Variants in SLC35A1 observed in about 807,000 individuals in gnomAD.
The protein encoded by SLC35A1 is CMP-sialic acid transporter.
SLC35A1 carries 21 observed loss-of-function variants against 40.3 expected under a neutral mutation model. The ratio of observed to expected loss-of-function variants is 0.52; its 90% CI spans 0.37 to 0.75. SLC35A1 has a LOEUF of 0.75. Among genes scored for constraint, SLC35A1 ranks in the 30% least tolerant of loss-of-function variants. SLC35A1 has a pLI of 0.00. For missense variants in SLC35A1, 297 were observed against 382.1 expected (o/e 0.78, Z 1.86); for synonymous variants, 146 against 147.3 (o/e 0.99, Z 0.06).
intron 7 of SLC35A1, 52 bp from the exon 8 acceptor site, chr6:87,511,347 G>A (rs920182844): frequency 2.5e-6 from 4 of 1,596,460 alleles, no homozygotes; most frequent in Non-Finnish European, 3.4e-6. Context: ...CTGATCATTA[G>A]GCATTTTAAA....
intron 2 of SLC35A1, among the ~76,000 whole-genome samples, chr6:87,489,209 C>T (rs1228599585): frequency 2.0e-5 from 3 of 152,130 alleles, no homozygotes; most frequent in Non-Finnish European, 4.4e-5. Flanking sequence ...TCCACCAAAA[C>T]TTATATTGAA....
At chr6:87,501,449 T>A (rs1354428861) in intron 4 of SLC35A1, 139 bp downstream of exon 4, 1 of 823,274 alleles carries the variant, frequency 1.2e-6, no homozygotes, top group Non-Finnish European at 2.0e-6. Flanking sequence ...GATAGGCCTT[T>A]TTTCTTTAGC....
chr6:87,490,471 C>G (rs1213332449), intron 2 of SLC35A1, among the ~76,000 whole-genome samples: 1 of 151,294 alleles, frequency 6.6e-6, no homozygotes, highest in East Asian at 2.0e-4. Flanking sequence ...GCAACTGGGA[C>G]AACAGGTACA....
chr6:87,484,347 G>A (rs1435335476), intron 2 of SLC35A1, among the ~76,000 whole-genome samples: 2 of 152,186 alleles, frequency 1.3e-5, no homozygotes, highest in Admixed American at 6.5e-5. Flanking sequence ...AAAAGAAATA[G>A]CACTCGAATA....
At chr6:87,500,747 CA>C in intron 3 of SLC35A1, 80 bp downstream of exon 3, 6 of 1,220,632 alleles carry the variant, frequency 4.9e-6, no homozygotes, top group African/African-American at 1.6e-5. Context: ...ATCATATTAT[CA>C]ATTTTTTTTT....
At chr6:87,501,017 T>C (rs1711764434) in intron 3 of SLC35A1, 141 bp from the exon 4 acceptor site, 2 of 823,196 alleles carry the variant, frequency 2.4e-6, no homozygotes, top group Non-Finnish European at 3.9e-6. Context: ...CCCAAAGTTC[T>C]GGGATTACAG....
chr6:87,494,476 G>GC (rs1769657194), intron 2 of SLC35A1, among the ~76,000 whole-genome samples: 1 of 149,290 alleles, frequency 6.7e-6, no homozygotes, highest in Non-Finnish European at 1.5e-5. Context: ...AGGCTGGAGT[G>GC]CAGTGGTGTG....
At chr6:87,495,599 T>A (rs1172941498) in intron 2 of SLC35A1, among the ~76,000 whole-genome samples, 3 of 152,088 alleles carry the variant, frequency 2.0e-5, no homozygotes. Context: ...ATGAAGGGTA[T>A]TTTTGTCCTC....
In SLC35A1 at chr6:87,501,264, G is replaced by C; in HGVS notation, c.461G>C (p.Gly154Ala). Residue 154 changes from glycine to alanine, a missense_variant, in exon 4 of 8, where the codon GGA becomes GCA. Coordinates refer to ENST00000369552, the MANE Select transcript of SLC35A1 (RefSeq NM_006416.5). ...GTTTCAGTTTTTATGCTGTGTGCTGGAGTTACGCTTGTACAGTGGAAACCA... is the reference window on the plus strand; with the variant it reads ...GTTTCAGTTTTTATGCTGTGTGCTGCAGTTACGCTTGTACAGTGGAAACCA... ...QWVSVFMLCA[G>A]VTLVQWKPAQ... is the part of the protein sequence containing the mutation. 1 of 1,614,042 alleles carries C rather than the reference G, an allele frequency of 6.2e-7. No individual in the cohort carries two copies. Among genetic ancestry groups the C allele is most frequent in the East Asian group, 2.2e-5 (1 of 44,880 alleles).
At chr6:87,493,462 TTGTGTGTGTG>T (rs71018022) in intron 2 of SLC35A1, among the ~76,000 whole-genome samples, 12,059 of 150,504 alleles carry the variant, frequency 0.08, 492 homozygotes, top group East Asian at 0.095. Context: ...CTAAATCTAG[TTGTGTGTGTG>T]TGTGTGTGTG....
At position 87,512,102 on chromosome 6, in the gene SLC35A1, C is replaced by CTGAGTACCCCTTTAG. The variant is rs368233315; in HGVS notation, c.*594_*608dup. The CTGAGTACCCCTTTAG allele has an allele frequency of 6.2e-6, 1 of 161,244 alleles. No individual in the cohort carries two copies. The highest frequency in any genetic ancestry group is 1.8e-4 in the East Asian group (1 of 5,682). 10.0% of individuals were successfully genotyped at this position (161,244 alleles called of 1,614,324 possible). A position where few individuals can be genotyped will look rare whatever the true frequency, so the allele number is the denominator to read the frequency against. ...AACTCGGACAATTTCTGGGTGGTGA[C>CTGAGTACCCCTTTAG]TGAGTACCCCTTTAGTGAGTACCCC... is the stretch of plus-strand genomic sequence containing the variant. On this transcript the variant is annotated 3_prime_UTR_variant, in exon 8 of 8. Transcript: ENST00000369552.
At chr6:87,475,324 T>C (rs919190607) in intron 1 of SLC35A1, among the ~76,000 whole-genome samples, 3 of 152,244 alleles carry the variant, frequency 2.0e-5, no homozygotes, top group Non-Finnish European at 2.9e-5. Flanking sequence ...TGGCGACATA[T>C]ATAGTTTGTT....
At chr6:87,490,083 G>A (rs1769502769) in intron 2 of SLC35A1, among the ~76,000 whole-genome samples, 1 of 151,832 alleles carries the variant, frequency 6.6e-6, no homozygotes, top group Non-Finnish European at 1.5e-5. Flanking sequence ...ACAAAAATTA[G>A]CTGGGTGTGG....
chr6:87,504,344 G>A (rs139932642), intron 4 of SLC35A1, among the ~76,000 whole-genome samples: 2 of 150,928 alleles, frequency 1.3e-5, no homozygotes, highest in Non-Finnish European at 2.9e-5. Flanking sequence ...CTGAGTTTTC[G>A]ATTTCTTGAT....
At chr6:87,497,123 A>G (rs970328454) in intron 2 of SLC35A1, among the ~76,000 whole-genome samples, 1 of 151,452 alleles carries the variant, frequency 6.6e-6, no homozygotes, top group African/African-American at 2.4e-5. Context: ...ATTCTTTCCA[A>G]TACCTCCTAA....
At chr6:87,484,652 G>A (rs1245912457) in intron 2 of SLC35A1, among the ~76,000 whole-genome samples, 1 of 152,172 alleles carries the variant, frequency 6.6e-6, no homozygotes, top group African/African-American at 2.4e-5. Context: ...GAATGAACAG[G>A]TAATCTGAAT....
chr6:87,508,975 T>TG, intron 6 of SLC35A1, 66 bp from the exon 7 acceptor site: 1 of 1,540,386 alleles, frequency 6.5e-7, no homozygotes, highest in Non-Finnish European at 9.0e-7. Context: ...GGATGAAAAT[T>TG]GCCTCACCAT....
chr6:87,477,605 T>G (rs1042223075), intron 2 of SLC35A1, 66 bp downstream of exon 2: 4 of 1,320,592 alleles, frequency 3.0e-6, no homozygotes, highest in Non-Finnish European at 4.4e-6. Flanking sequence ...TGTTAGAAAA[T>G]TCAAGCTACA....
At chr6:87,490,593 A>G (rs889884388) in intron 2 of SLC35A1, among the ~76,000 whole-genome samples, 3 of 152,022 alleles carry the variant, frequency 2.0e-5, no homozygotes, top group Non-Finnish European at 4.4e-5. Context: ...CGGCCTCCCA[A>G]TGTAATTTTT....
Sources: allele counts gnomAD v4.1 joint callset (sites outside exome capture counted in the v4.1 genomes callset), GRCh38; gene constraint gnomAD v4.1.1; transcripts MANE v1.5; gene names NCBI Gene and HGNC (gene_info 2026-07-23, HGNC 2026-07-21).